PHYHIPL: variants seen among roughly 807,000 people sequenced by gnomAD.
PHYHIPL encodes phytanoyl-CoA hydroxylase-interacting protein-like.
Under a neutral mutation model 33.4 loss-of-function variants are expected in PHYHIPL, and 9 were observed. That is an observed-to-expected ratio of 0.27 (90% confidence interval 0.16 to 0.47). The LOEUF is 0.47. PHYHIPL is among the 20% of genes least tolerant of loss of function. The pLI is 0.99. For synonymous variants in PHYHIPL, 153 were observed against 154.1 expected, an observed-to-expected ratio of 0.99 and a Z score of 0.05; for missense variants, 365 against 460.7, an observed-to-expected ratio of 0.79 and a Z score of 1.90.
At chr10:59,194,730 G>A (rs187136103) in intron 1 of PHYHIPL, among the ~76,000 whole-genome samples, 2 of 152,228 alleles carry the variant, frequency 1.3e-5, no homozygotes, top group East Asian at 1.9e-4. Context: ...TTAAAACAAC[G>A]GTTTCTTAAG....
chr10:59,214,671 A>G (rs745576805), intron 1 of PHYHIPL, among the ~76,000 whole-genome samples: 48 of 152,186 alleles, frequency 3.2e-4, no homozygotes, highest in Admixed American at 5.9e-4. Flanking sequence ...TTAAAATCCT[A>G]TAGTACTGAA....
intron 1 of PHYHIPL, among the ~76,000 whole-genome samples, chr10:59,229,106 G>T (rs116087358): frequency 6.6e-6 from 1 of 152,010 alleles, no homozygotes; most frequent in African/African-American, 2.4e-5. Context: ...TGCTTTTTTG[G>T]ATTAATCAAA....
At chr10:59,194,299 C>T (rs535699636) in intron 1 of PHYHIPL, among the ~76,000 whole-genome samples, 21 of 151,990 alleles carry the variant, frequency 1.4e-4, no homozygotes, top group African/African-American at 4.6e-4. Flanking sequence ...CATATGGATC[C>T]ACCATTGAAT....
intron 1 of PHYHIPL, among the ~76,000 whole-genome samples, chr10:59,212,962 A>T (rs1771487996): frequency 6.6e-6 from 1 of 152,136 alleles, no homozygotes; most frequent in Admixed American, 6.6e-5. Context: ...TAGAAACCAT[A>T]TTTATTTGCC....
intron 1 of PHYHIPL, among the ~76,000 whole-genome samples, chr10:59,229,500 C>T (rs1474072180): frequency 6.6e-6 from 1 of 151,950 alleles, no homozygotes; most frequent in Non-Finnish European, 1.5e-5. Flanking sequence ...TGTGAGTAAT[C>T]TCTACTACGG....
chr10:59,178,541 TGAGA>T (rs1838318405), intron 1 of PHYHIPL, among the ~76,000 whole-genome samples: 1 of 152,150 alleles, frequency 6.6e-6, no homozygotes, highest in South Asian at 2.1e-4. Flanking sequence ...TTCTTAGGGT[TGAGA>T]GAAACACAAG....
chr10:59,206,016 G>A (rs1225660212), intron 1 of PHYHIPL, among the ~76,000 whole-genome samples: 2 of 152,252 alleles, frequency 1.3e-5, no homozygotes, highest in East Asian at 3.9e-4. Context: ...CTTTGTCCTA[G>A]TACATTAATT....
Position 59,177,572 on chromosome 10 carries a change from G to A in PHYHIPL, c.106+613G>A, listed in dbSNP as rs370546961. On this transcript the variant is annotated intron_variant, in intron 1 of 4. Transcript: ENST00000373880. ...TTCCTGGGCTCTGAGTCAGACTGTC[G>A]AAAATATTGGCCTAATATATGTGCT... The A allele has an allele frequency of 3.2e-6, 5 of 1,551,554 alleles. No homozygotes were observed. In the African/African-American group the frequency reaches 6.8e-5, roughly 21 times the overall value.
intron 1 of PHYHIPL, among the ~76,000 whole-genome samples, chr10:59,179,035 A>C (rs2133173055): frequency 6.6e-6 from 1 of 152,286 alleles, no homozygotes; most frequent in Middle Eastern, 3.4e-3. Flanking sequence ...AAGATGTATA[A>C]AATTTGGAAA....
chr10:59,205,465 T>C (rs1422691575), intron 1 of PHYHIPL, among the ~76,000 whole-genome samples: 1 of 152,236 alleles, frequency 6.6e-6, no homozygotes, highest in Non-Finnish European at 1.5e-5. Context: ...GTTTTTATTC[T>C]TTAAAGTTCT....
chr10:59,201,927 G>T (rs115470150), intron 1 of PHYHIPL, among the ~76,000 whole-genome samples: 2 of 152,126 alleles, frequency 1.3e-5, no homozygotes, highest in Non-Finnish European at 2.9e-5. Context: ...TAACTGACTT[G>T]TGGTAGAGTT....
chr10:59,190,581 A>C (rs1479202852), intron 1 of PHYHIPL, among the ~76,000 whole-genome samples: 2 of 151,918 alleles, frequency 1.3e-5, no homozygotes, highest in East Asian at 3.8e-4. Context: ...GATGAATCTT[A>C]ACTGTAAGAA....
intron 1 of PHYHIPL, among the ~76,000 whole-genome samples, chr10:59,193,389 T>C (rs2133203357): frequency 6.6e-6 from 1 of 152,298 alleles, no homozygotes; most frequent in South Asian, 2.1e-4. Context: ...ATAATCTGTG[T>C]TGCATAAAAT....
intron 1 of PHYHIPL, among the ~76,000 whole-genome samples, chr10:59,216,359 G>A (rs527274213): frequency 6.6e-6 from 1 of 152,178 alleles, no homozygotes; most frequent in East Asian, 1.9e-4. Flanking sequence ...AGAGGTTATT[G>A]ATCTAGATCC....
At chr10:59,207,171 C>T (rs1431665461) in intron 1 of PHYHIPL, among the ~76,000 whole-genome samples, 1 of 152,162 alleles carries the variant, frequency 6.6e-6, no homozygotes, top group African/African-American at 2.4e-5. Context: ...CAGTCTGCAG[C>T]TCCCAGTGAG....
intron 4 of PHYHIPL, among the ~76,000 whole-genome samples, 186 bp from the exon 5 acceptor site, chr10:59,244,871 A>C (rs1159467200): frequency 6.6e-6 from 1 of 152,190 alleles, no homozygotes; most frequent in Non-Finnish European, 1.5e-5. Flanking sequence ...TCCTTACCTT[A>C]AGGTCAAAGC....
At chr10:59,231,217 A>C (rs573014299) in intron 1 of PHYHIPL, among the ~76,000 whole-genome samples, 2 of 152,288 alleles carry the variant, frequency 1.3e-5, no homozygotes, top group African/African-American at 4.8e-5. Flanking sequence ...TGAAACATAA[A>C]TATGATACAT....
chr10:59,200,208 CTT>C (rs1839057096), intron 1 of PHYHIPL, among the ~76,000 whole-genome samples: 1 of 152,112 alleles, frequency 6.6e-6, no homozygotes, highest in Non-Finnish European at 1.5e-5. Flanking sequence ...ATAAACAACT[CTT>C]ATCATTTTGA....
chr10:59,184,144 A>T (rs1395342563), intron 1 of PHYHIPL, among the ~76,000 whole-genome samples: 1 of 152,190 alleles, frequency 6.6e-6, no homozygotes, highest in Non-Finnish European at 1.5e-5. Context: ...TGTGATGCAG[A>T]ACAGGGGCGT....
Sources: gnomAD v4.1 joint callset for allele counts (sites outside exome capture counted in the v4.1 genomes callset) on GRCh38, gnomAD v4.1.1 for gene constraint, MANE v1.5 for transcripts, NCBI Gene and HGNC (gene_info 2026-07-23, HGNC 2026-07-21) for gene names.